Variants in PRR5 observed in about 807,000 individuals in gnomAD.
PRR5 encodes the protein proline-rich protein 5.
A neutral mutation model predicts 30.6 loss-of-function variants in PRR5; 25 were observed. That is an observed-to-expected ratio of 0.82 (90% confidence interval 0.60 to 1.14). The LOEUF is 1.14. Ranked by LOEUF, PRR5 falls within the 50% of genes most tolerant of loss-of-function variation. The pLI, the probability that PRR5 is intolerant of heterozygous loss-of-function variation, is 0.00. For missense variants in PRR5, 600 were observed against 547.1 expected (o/e 1.10, Z -0.96); for synonymous variants, 286 against 247.1 (o/e 1.16, Z -1.48).
At chr22:44,702,003 G>A (rs1231096131), upstream of PRR5, among the ~76,000 whole-genome samples, 15 of 152,234 alleles carry the variant, frequency 9.9e-5, no homozygotes, top group African/African-American at 3.6e-4. Flanking sequence ...CTCGGAAGAG[G>A]GGAGGAGGGT....
chr22:44,685,388 C>G (rs1421484325), intron 1 of PRR5, among the ~76,000 whole-genome samples: 1 of 152,222 alleles, frequency 6.6e-6, no homozygotes, highest in Admixed American at 6.5e-5. Flanking sequence ...ACGATTTCTC[C>G]TCTGTCTGGA....
intron 1 of PRR5, among the ~76,000 whole-genome samples, chr22:44,710,258 G>A (rs1260435622): frequency 6.7e-6 from 1 of 150,184 alleles, no homozygotes; most frequent in Non-Finnish European, 1.5e-5. Context: ...CCTCCCTAAG[G>A]ATCCTCCCCT....
At position 44,702,488 on chromosome 22, in the gene PRR5, G is replaced by C; in HGVS notation, c.14G>C (p.Arg5Pro). MRTL[R>P]RLKFMSSPSL... ...GCCCGGGTCACCATGAGGACTCTCC[G>C]CAGGTTGAAGTTCATGAGTTCGCCC... Residue 5 changes from arginine to proline, a missense_variant, in exon 1 of 8, where the codon CGC becomes CCC. Transcript: ENST00000336985. 1 of 1,462,074 alleles carries C rather than the reference G, an allele frequency of 6.8e-7. No homozygotes were observed. The highest frequency in any genetic ancestry group is 3.0e-5 in the East Asian group (1 of 33,058). The allele number at this position is 1,462,074 out of a possible 1,614,324, so 90.6% of individuals were successfully genotyped here. A position where few individuals can be genotyped will look rare whatever the true frequency, so the allele number is the denominator to read the frequency against.
chr22:44,676,386 G>A, upstream of PRR5, among the ~76,000 whole-genome samples: 1 of 74,210 alleles, frequency 1.3e-5, no homozygotes, highest in African/African-American at 7.0e-5. Flanking sequence ...GTGAGACCCT[G>A]TCTCAAAAAA....
intron 2 of PRR5, among the ~76,000 whole-genome samples, chr22:44,717,818 G>C (rs1379624139): frequency 6.6e-6 from 1 of 151,168 alleles, no homozygotes; most frequent in African/African-American, 2.4e-5. Flanking sequence ...CCAGGTTCAA[G>C]GATTCTCCTG....
chr22:44,711,195 G>A (rs980407062), intron 1 of PRR5, among the ~76,000 whole-genome samples: 1 of 152,164 alleles, frequency 6.6e-6, no homozygotes, highest in Non-Finnish European at 1.5e-5. Context: ...TGCTCTGTGC[G>A]GCCAGAGTGT....
chr22:44,725,106 C>G, intron 2 of PRR5, 138 bp from the exon 3 acceptor site: 1 of 1,281,086 alleles, frequency 7.8e-7, no homozygotes, highest in East Asian at 2.5e-5. Flanking sequence ...CAGGTGGGAC[C>G]TGTCCACTAC....
At chr22:44,735,635 G>A (rs915134539) in intron 7 of PRR5, among the ~76,000 whole-genome samples, 5 of 152,166 alleles carry the variant, frequency 3.3e-5, no homozygotes, top group African/African-American at 9.7e-5. Context: ...GGGCCTCTGG[G>A]TTCCTTCAGC....
At chr22:44,699,880 G>C (rs1339211195), upstream of PRR5, among the ~76,000 whole-genome samples, 1 of 152,152 alleles carries the variant, frequency 6.6e-6, no homozygotes, top group African/African-American at 2.4e-5. Flanking sequence ...ATTCTTTTCA[G>C]AGACAATTCA....
chr22:44,731,699 G>A, intron 4 of PRR5, 31 bp from the exon 5 acceptor site: 1 of 1,609,588 alleles, frequency 6.2e-7, no homozygotes, highest in Non-Finnish European at 8.5e-7. Flanking sequence ...GCGCCAGTCA[G>A]GCCCAGTGGT....
chr22:44,737,084 C>G lies in PRR5; in HGVS notation c.1004C>G (p.Pro335Arg). ...CAGCCCCCTGAGCAGGGCTTGGATC[C>G]CACCCGCAGCTCCCTGCCCCGCTCC... ...TTQPPEQGLD[P>R]TRSSLPRSSP... The change falls in exon 8 of 8, where the codon CCC (proline) becomes CGC (arginine). Residue 335 changes from proline (P) to arginine (R), a missense_variant. Coordinates refer to ENST00000336985, the MANE Select transcript of PRR5 (RefSeq NM_181333.4). The G allele has an allele frequency of 1.2e-6, 2 of 1,611,436 alleles. No homozygotes were observed. Among genetic ancestry groups the G allele is most frequent in the Non-Finnish European group, 1.7e-6 (2 of 1,179,816 alleles).
chr22:44,695,446 T>C (rs984221551), intron 1 of PRR5, among the ~76,000 whole-genome samples: 2 of 152,190 alleles, frequency 1.3e-5, no homozygotes, highest in Non-Finnish European at 2.9e-5. Flanking sequence ...CAGAGGTATT[T>C]TTGGTGTGTG....
At chr22:44,721,575 G>A (rs1429560679) in intron 2 of PRR5, among the ~76,000 whole-genome samples, 1 of 152,196 alleles carries the variant, frequency 6.6e-6, no homozygotes, top group Non-Finnish European at 1.5e-5. Flanking sequence ...GGTTGCAAAG[G>A]AAGTAGCCTC....
chr22:44,685,923 C>T (rs1300587736), intron 1 of PRR5, among the ~76,000 whole-genome samples: 1 of 152,236 alleles, frequency 6.6e-6, no homozygotes, highest in Non-Finnish European at 1.5e-5. Context: ...CATCCTTTCT[C>T]CCTGGGGGAG....
intron 4 of PRR5, chr22:44,729,318 T>G (rs751148762): frequency 1.0e-6 from 1 of 980,234 alleles, no homozygotes; most frequent in East Asian, 1.1e-4. Context: ...TTGCAGGGCC[T>G]GCACAGGGCC....
At chr22:44,724,805 C>A (rs577918987) in intron 2 of PRR5, among the ~76,000 whole-genome samples, 1 of 152,344 alleles carries the variant, frequency 6.6e-6, no homozygotes, top group East Asian at 1.9e-4. Context: ...GAATGAGCTT[C>A]TCTGGAATAA....
intron 1 of PRR5, among the ~76,000 whole-genome samples, chr22:44,685,005 A>G (rs1924620439): frequency 6.6e-6 from 1 of 152,040 alleles, no homozygotes; most frequent in East Asian, 1.9e-4. Flanking sequence ...GGGGTTACTG[A>G]CCGTGGGAAG....
At chr22:44,714,555 C>T (rs750326979) in intron 1 of PRR5, 36 bp from the exon 2 acceptor site, 1 of 1,609,812 alleles carries the variant, frequency 6.2e-7, no homozygotes, top group Non-Finnish European at 8.5e-7. Flanking sequence ...GCTCTCAGAC[C>T]TCAGGACTGC....
chr22:44,697,843 C>T (rs1045511510), upstream of PRR5, among the ~76,000 whole-genome samples: 2 of 152,174 alleles, frequency 1.3e-5, no homozygotes, highest in African/African-American at 4.8e-5. Flanking sequence ...CACTTGGCAG[C>T]CTTGTGGGGA....
Sources: allele counts gnomAD v4.1 joint callset (sites outside exome capture counted in the v4.1 genomes callset), GRCh38; gene constraint gnomAD v4.1.1; transcripts MANE v1.5; gene names NCBI Gene and HGNC (gene_info 2026-07-23, HGNC 2026-07-21).